Variants in ARHGAP10 observed in about 807,000 individuals in gnomAD.
ARHGAP10 encodes the protein rho GTPase-activating protein 10.
A neutral mutation model predicts 108.6 loss-of-function variants in ARHGAP10; 87 were observed. The observed-to-expected ratio is 0.80, with a 90% CI of 0.67 to 0.96. ARHGAP10 has a LOEUF of 0.96. ARHGAP10 is among the 40% of genes least tolerant of loss of function. The probability of loss-of-function intolerance (pLI) is 0.00; values close to 1 mark genes in which losing one functional copy is unlikely to be tolerated. For missense variants in ARHGAP10, 939 were observed against 954.5 expected (o/e 0.98, Z 0.21); for synonymous variants, 347 against 341.1 (o/e 1.02, Z -0.19).
chr4:148,003,464 T>C (rs932271109), intron 18 of ARHGAP10, among the ~76,000 whole-genome samples: 14 of 152,152 alleles, frequency 9.2e-5, no homozygotes, highest in African/African-American at 3.4e-4. Flanking sequence ...AATTCCTGGA[T>C]ATCCTTAACT....
In ARHGAP10 at chr4:147,884,336, G is replaced by C. The variant is rs531987897; in HGVS notation, c.1034+2404G>C. Among the ~76,000 whole-genome samples, 3 of 152,314 alleles carry C rather than the reference G, an allele frequency of 2.0e-5. No homozygotes were observed. In the South Asian group the frequency reaches 6.2e-4, roughly 32 times the overall value. On this transcript the variant is annotated intron_variant, in intron 10 of 22. Transcript: ENST00000336498. ...CTTACACATACGAAGGATAATACCTGTAGGGAGACTCTTGGAACAGGGGAG... is the reference window on the plus strand; with the variant it reads ...CTTACACATACGAAGGATAATACCTCTAGGGAGACTCTTGGAACAGGGGAG...
At chr4:147,876,412 GA>G (rs1735060653) in intron 8 of ARHGAP10, among the ~76,000 whole-genome samples, 1 of 152,124 alleles carries the variant, frequency 6.6e-6, no homozygotes, top group Admixed American at 6.6e-5. Context: ...CTAATACAGT[GA>G]AACCCTGTCT....
At chr4:147,778,470 G>A (rs1001895289) in intron 1 of ARHGAP10, among the ~76,000 whole-genome samples, 8 of 151,716 alleles carry the variant, frequency 5.3e-5, no homozygotes, top group African/African-American at 1.9e-4. Context: ...GCATTAAATG[G>A]TGGGCAAAAG....
intron 1 of ARHGAP10, among the ~76,000 whole-genome samples, chr4:147,811,351 G>A (rs1296487254): frequency 6.6e-6 from 1 of 152,192 alleles, no homozygotes; most frequent in Non-Finnish European, 1.5e-5. Context: ...AACCCACTGT[G>A]TATATTGGGG....
chr4:147,798,722 A>ACTCTCTCTCT lies in ARHGAP10; in HGVS notation c.155-24004_155-24003insTCTCTCTCTC, dbSNP rs1491305896. 8.4e-5 allele frequency among the ~76,000 whole-genome samples: 9 copies of ACTCTCTCTCT among 107,438 alleles called. 1 individual carries two copies. Among genetic ancestry groups the ACTCTCTCTCT allele is most frequent in the African/African-American group, 3.7e-4 (7 of 18,780 alleles). 70.5% of individuals were successfully genotyped at this position (107,438 alleles called of 152,430 possible). ...CATTACGTGAGGTCAGGAGTTTGAG[A>ACTCTCTCTCT]CACTCTCTCTCTCTCTCTCTCTCTC... On this transcript the variant is annotated intron_variant, in intron 1 of 22. Transcript: ENST00000336498.
intron 22 of ARHGAP10, among the ~76,000 whole-genome samples, chr4:148,067,979 C>T (rs1432194126): frequency 6.6e-6 from 1 of 152,042 alleles, no homozygotes; most frequent in Non-Finnish European, 1.5e-5. Context: ...TGCCTCCCAA[C>T]TCCCCCGCCC....
At chr4:147,788,319 C>A (rs960069504) in intron 1 of ARHGAP10, among the ~76,000 whole-genome samples, 1 of 151,946 alleles carries the variant, frequency 6.6e-6, no homozygotes, top group Non-Finnish European at 1.5e-5. Context: ...TGGTGGCATG[C>A]GCCTGTAATC....
chr4:147,855,045 A>G (rs1339106307), intron 4 of ARHGAP10, among the ~76,000 whole-genome samples: 4 of 152,236 alleles, frequency 2.6e-5, no homozygotes, highest in African/African-American at 9.6e-5. Flanking sequence ...TAAATCAAAT[A>G]AGGTGGTAAA....
intron 10 of ARHGAP10, among the ~76,000 whole-genome samples, chr4:147,895,044 C>T (rs1395660956): frequency 1.3e-5 from 2 of 152,062 alleles, no homozygotes; most frequent in Non-Finnish European, 2.9e-5. Flanking sequence ...CCCCCAAAAC[C>T]CATAGGTCAA....
chr4:147,863,321 T>G lies in ARHGAP10; in HGVS notation c.487-1525T>G, dbSNP rs529003499. ...TTTCTATGAATTTAACTACTCTAGG[T>G]GTCTCATGTGAGTGGGATCATATAG... On this transcript the variant is annotated intron_variant, in intron 5 of 22. Transcript: ENST00000336498. 7.2e-5 allele frequency: 11 copies of G among 152,376 alleles called. 1 individual carries two copies. Among genetic ancestry groups the G allele is most frequent in the African/African-American group, 2.6e-4 (11 of 41,574 alleles). 9.4% of individuals were successfully genotyped at this position (152,376 alleles called of 1,614,324 possible). A position where few individuals can be genotyped will look rare whatever the true frequency, so the allele number is the denominator to read the frequency against.
chr4:147,959,468 T>C (rs1448698350), intron 16 of ARHGAP10, among the ~76,000 whole-genome samples: 1 of 152,150 alleles, frequency 6.6e-6, no homozygotes, highest in East Asian at 1.9e-4. Context: ...GCTGCATCCA[T>C]TAACTCGTCA....
intron 4 of ARHGAP10, among the ~76,000 whole-genome samples, chr4:147,847,912 A>G (rs1733700557): frequency 6.6e-6 from 1 of 152,222 alleles, no homozygotes; most frequent in African/African-American, 2.4e-5. Flanking sequence ...CCCCAGAGAA[A>G]TAATTTCCAC....
intron 1 of ARHGAP10, among the ~76,000 whole-genome samples, chr4:147,814,080 C>T (rs935473340): frequency 7.2e-5 from 11 of 152,104 alleles, no homozygotes; most frequent in East Asian, 1.9e-4. Flanking sequence ...CTATGCAACA[C>T]GGGCTGGTGA....
intron 22 of ARHGAP10, among the ~76,000 whole-genome samples, chr4:148,065,895 C>T (rs745317645): frequency 6.8e-6 from 1 of 146,024 alleles, no homozygotes; most frequent in Non-Finnish European, 1.5e-5. Context: ...CCTGTTGTGC[C>T]AGCTACTGCA....
Position 148,027,972 on chromosome 4 carries a change from T to A in ARHGAP10, c.1867+4559T>A, listed in dbSNP as rs969967312. 3.9e-5 allele frequency among the ~76,000 whole-genome samples: 6 copies of A among 152,160 alleles called. No homozygotes were observed. In the South Asian group the frequency reaches 1.2e-3, roughly 32 times the overall value. Reference sequence around the variant, plus strand: ...AAATCAGAATTATACTGCATATCAATTGAAGAGCTTTTATATGCTCCACAT... The same window carrying A: ...AAATCAGAATTATACTGCATATCAAATGAAGAGCTTTTATATGCTCCACAT... On this transcript the variant is annotated intron_variant, in intron 19 of 22. Transcript: ENST00000336498.
rs142738227 is a variant in ARHGAP10 at position 147,863,436 on chromosome 4, G to A, written c.487-1410G>A. ...TAGTATGTATCAGAATTTCCTTCCT[G>A]TCTAAGGCTGAATAATATTCTGTTA... is the stretch of plus-strand genomic sequence containing the variant. On this transcript the variant is annotated intron_variant, in intron 5 of 22. Transcript: ENST00000336498. 2.0e-5 allele frequency: 3 copies of A among 152,228 alleles called. No individual in the cohort carries two copies. In the East Asian group the frequency reaches 5.8e-4, roughly 29 times the overall value. 9.4% of individuals were successfully genotyped at this position (152,228 alleles called of 1,614,324 possible). A position where few individuals can be genotyped will look rare whatever the true frequency, so the allele number is the denominator to read the frequency against.
chr4:147,757,672 G>A (rs1007947555), intron 1 of ARHGAP10, among the ~76,000 whole-genome samples: 1 of 152,180 alleles, frequency 6.6e-6, no homozygotes, highest in Non-Finnish European at 1.5e-5. Context: ...GGGCCTCTAC[G>A]GTGAGTGTCC....
rs113081304 is a variant in ARHGAP10, at chr4:147,944,129, A to G, written c.1304-2488A>G. Among the ~76,000 whole-genome samples the G allele has an allele frequency of 6.4e-4, 98 of 152,356 alleles. 3 individuals carry two copies. The highest frequency in any genetic ancestry group is 1.2e-3 in the African/African-American group (48 of 41,590). ...AAACGAGATTTAAATAATTGATTTA[A>G]TGAGAGAGAGAATATTCAGTTACTG... On this transcript the variant is annotated intron_variant, in intron 14 of 22. Transcript: ENST00000336498.
chr4:148,017,682 A>ATG lies in ARHGAP10; in HGVS notation c.1717-5573_1717-5572dup, dbSNP rs1553971551. ...TATATATATATATATATATATATAT[A>ATG]TGTGTGTGTATGTAAAGGAATTCAG... is the stretch of plus-strand genomic sequence containing the variant. On this transcript the variant is annotated intron_variant, in intron 18 of 22. Coordinates refer to ENST00000336498, the MANE Select transcript of ARHGAP10 (RefSeq NM_024605.4). Among the ~76,000 whole-genome samples the ATG allele has an allele frequency of 6.1e-3, 828 of 135,076 alleles. 8 individuals carry two copies. Among genetic ancestry groups the ATG allele is most frequent in the South Asian group, 7.5e-3 (30 of 4,006 alleles). 88.6% of individuals were successfully genotyped at this position (135,076 alleles called of 152,430 possible). A position where few individuals can be genotyped will look rare whatever the true frequency, so the allele number is the denominator to read the frequency against.
Sources: gnomAD v4.1 joint callset for allele counts (sites outside exome capture counted in the v4.1 genomes callset) on GRCh38, gnomAD v4.1.1 for gene constraint, MANE v1.5 for transcripts, NCBI Gene and HGNC (gene_info 2026-07-23, HGNC 2026-07-21) for gene names.